The following MYH9 variants were observed in gnomAD, a reference collection of about 807,000 sequenced individuals.
MYH9 encodes the protein myosin heavy chain 9, also known as myosin-9.
MYH9 carries 29 observed loss-of-function variants against 241.9 expected under a neutral mutation model. That is an observed-to-expected ratio of 0.12 (90% confidence interval 0.09 to 0.16). MYH9 has a LOEUF of 0.16. Among genes scored for constraint, MYH9 ranks in the 10% least tolerant of loss-of-function variants. The probability of loss-of-function intolerance (pLI) is 1.00; values close to 1 mark genes in which losing one functional copy is unlikely to be tolerated. For synonymous variants in MYH9, 1,047 were observed against 1,062.6 expected (o/e 0.99, Z 0.29); for missense variants, 1,803 against 2,595.5 (o/e 0.69, Z 6.63).
At chr22:36,382,245 C>T (rs1432091492) in intron 1 of MYH9, among the ~76,000 whole-genome samples, 2 of 152,154 alleles carry the variant, frequency 1.3e-5, no homozygotes, top group Non-Finnish European at 2.9e-5. Context: ...GAGGCCAAGG[C>T]GGGCGGATCA....
At chr22:36,290,697 G>A (rs1235221957) in intron 31 of MYH9, among the ~76,000 whole-genome samples, 1 of 149,998 alleles carries the variant, frequency 6.7e-6, no homozygotes, top group Non-Finnish European at 1.5e-5. Context: ...CATCTAGGAG[G>A]TGAGGAGCGC....
In MYH9 at chr22:36,322,665, G is replaced by A; in HGVS notation, c.613-144C>T. 4 of 781,418 alleles carry A rather than the reference G, an allele frequency of 5.1e-6. No homozygotes were observed. The Admixed American group carries it at 8.2e-5, about 16-fold the overall frequency. The allele number at this position is 781,418 out of a possible 1,614,324, so 48.4% of individuals were successfully genotyped here. A position where few individuals can be genotyped will look rare whatever the true frequency, so the allele number is the denominator to read the frequency against. ...GAGGTTTCCGGGTGGGCTCCAGTGT[G>A]CGACTCCAACCAAGGCCAGGCCCCG... On this transcript the variant is annotated intron_variant, in intron 5 of 40. Transcript: ENST00000216181.
Position 36,322,173 on chromosome 22 carries a change from C to T in MYH9, c.705+256G>A, listed in dbSNP as rs186134535. ...GCTGAGCACTCTGGGGCACAGCAGG[C>T]AGCGCCCTCACTGGCCTTTCCACCT... On this transcript the variant is annotated intron_variant, in intron 6 of 40. Transcript: ENST00000216181. Among the ~76,000 whole-genome samples, 71 of 152,388 alleles carry T rather than the reference C, an allele frequency of 4.7e-4. 1 individual carries two copies. In the East Asian group the frequency reaches 0.011, roughly 23 times the overall value.
Position 36,300,507 on chromosome 22 carries a change from G to T in MYH9, c.2839-243C>A, listed in dbSNP as rs2016859739. On this transcript the variant is annotated intron_variant, in intron 22 of 40. Coordinates refer to ENST00000216181, the MANE Select transcript of MYH9 (RefSeq NM_002473.6). This position sits in a 1 kb window ranked among gnomAD's most constrained non-coding sequence, Gnocchi z 5.0. ...TGGGACACAGGGCCAGAACATCGGT[G>T]CAATGTTCTGAAGGGTTTCCTGCAG... is the stretch of plus-strand genomic sequence containing the variant. Among the ~76,000 whole-genome samples the T allele has an allele frequency of 6.6e-6, 1 of 152,256 alleles. No homozygotes were observed. The highest frequency in any genetic ancestry group is 1.5e-5 in the Non-Finnish European group (1 of 68,052).
At chr22:36,344,403 T>C (rs2017641542) in intron 2 of MYH9, among the ~76,000 whole-genome samples, 1 of 152,056 alleles carries the variant, frequency 6.6e-6, no homozygotes, top group Non-Finnish European at 1.5e-5. Context: ...CCTGAGGTCA[T>C]GATTTGGAAG....
In MYH9 at chr22:36,293,345, G is replaced by C. The variant is rs373384951; in HGVS notation, c.4079C>G (p.Ala1360Gly). ...EAKHNLEKQI[A>G]TLHAQVADMK... ...CCTCCAAACCTGGGCATGGAGGGTG[G>C]CGATCTGCTTCTCCAGGTTGTGCTT... The change falls in exon 30 of 41, where the codon GCC becomes GGC. Residue 1360 changes from alanine to glycine, a missense_variant. Around this residue, in one of 11 missense-constraint regions of MYH9, gnomAD observed 876 missense variants for 1,077.8 expected, o/e 0.81. Transcript: ENST00000216181. The surrounding 1 kb of genome is among the most constrained non-coding windows in gnomAD (Gnocchi z 5.1). 5.0e-6 allele frequency: 8 copies of C among 1,613,912 alleles called. No individual in the cohort carries two copies. In the African/African-American group the frequency reaches 1.1e-4, roughly 22 times the overall value.
intron 10 of MYH9, 103 bp from the exon 11 acceptor site, chr22:36,318,428 G>C: frequency 1.0e-6 from 1 of 976,624 alleles, no homozygotes; most frequent in Non-Finnish European, 1.7e-6. Context: ...TGCTTGACTT[G>C]GGAGCAGAGA....
rs886057476 is a variant in MYH9, at chr22:36,282,561, T to C, written c.*107A>G. The C allele has an allele frequency of 1.2e-5, 12 of 1,037,816 alleles. No individual in the cohort carries two copies. The South Asian group carries it at 1.4e-4, about 12-fold the overall frequency. 64.3% of individuals were successfully genotyped at this position (1,037,816 alleles called of 1,614,324 possible). On this transcript the variant is annotated 3_prime_UTR_variant, in exon 41 of 41. Coordinates refer to ENST00000216181, the MANE Select transcript of MYH9 (RefSeq NM_002473.6). ...ACGGGGCGGAGGGCAGGAGGAGGCA[T>C]GTTCACAGCAGTCCCAAGAAGGTGG...
At position 36,304,138 on chromosome 22, in the gene MYH9, G is replaced by A. The variant is rs749206328; in HGVS notation, c.2247C>T (p.Leu749=). Residue 749 remains leucine (L), a synonymous_variant, in exon 19 of 41, where the codon CTC becomes CTT. Coordinates refer to ENST00000216181, the MANE Select transcript of MYH9 (RefSeq NM_002473.6). ...GGCCAATGCGGTACAGATTGCTGTC[G>A]AGCTCCAGGGCTTTTATCTAGGTGG... ...ACVLMIKALE[L]DSNLYRIGQS... is the part of the protein sequence containing the mutation. 55 of 1,613,408 alleles carry A rather than the reference G, an allele frequency of 3.4e-5. No individual in the cohort carries two copies. The highest frequency in any genetic ancestry group is 4.2e-5 in the Non-Finnish European group (49 of 1,180,032).
Position 36,285,231 on chromosome 22 carries a change from C to T in MYH9, c.5373G>A (p.Lys1791=), listed in dbSNP as rs2016559630. 1.2e-6 allele frequency: 2 copies of T among 1,614,086 alleles called. No individual in the cohort carries two copies. The highest frequency in any genetic ancestry group is 1.3e-5 in the African/African-American group (1 of 74,930). The change falls in exon 38 of 41, where the codon AAG becomes AAA. Residue 1791 remains lysine (K), a synonymous_variant. Coordinates refer to ENST00000216181, the MANE Select transcript of MYH9 (RefSeq NM_002473.6). The surrounding 1 kb of genome is among the most constrained non-coding windows in gnomAD (Gnocchi z 7.0). ...TGCCCTCCATCTCCTGCAGCTTGAC[C>T]TTAAGCTCCTTGTTCTGGCGTTCCA... ...QQLERQNKEL[K]VKLQEMEGTV...
In MYH9 at chr22:36,292,249, G is replaced by C. The variant is rs545973267; in HGVS notation, c.4096-15C>G. ...ATGTCGGCCACCTGGGCAGGAGCAA[G>C]GAGTAAGCAGATGCCCGAGATGGCA... On this transcript the variant is annotated splice_polypyrimidine_tract_variant and intron_variant, in intron 30 of 40. Transcript: ENST00000216181. 6 of 1,613,544 alleles carry C rather than the reference G, an allele frequency of 3.7e-6. No homozygotes were observed. In the South Asian group the frequency reaches 6.6e-5, roughly 18 times the overall value.
Position 36,306,749 on chromosome 22 carries a change from C to A in MYH9, c.1844-142G>T, listed in dbSNP as rs768226803. On this transcript the variant is annotated intron_variant, in intron 15 of 40. Transcript: ENST00000216181. The surrounding 1 kb of genome is among the most constrained non-coding windows in gnomAD (Gnocchi z 4.1). ...ACAACAGGACCCTTTCCAATTGGAG[C>A]CTACACTGGGTGCTAAGGTCATCCC... The A allele has an allele frequency of 2.4e-4, 215 of 894,386 alleles. No individual in the cohort carries two copies. The highest frequency in any genetic ancestry group is 3.5e-4 in the Non-Finnish European group (195 of 564,770). The allele number at this position is 894,386 out of a possible 1,614,324, so 55.4% of individuals were successfully genotyped here. A position where few individuals can be genotyped will look rare whatever the true frequency, so the allele number is the denominator to read the frequency against.
At chr22:36,349,590 C>T (rs1417212561) in intron 1 of MYH9, among the ~76,000 whole-genome samples, 1 of 152,040 alleles carries the variant, frequency 6.6e-6, no homozygotes, top group Non-Finnish European at 1.5e-5. Context: ...ATTAACCAGG[C>T]GTGGTGGTGC....
chr22:36,313,892 A>G (rs1011180439), intron 13 of MYH9, among the ~76,000 whole-genome samples: 4 of 152,186 alleles, frequency 2.6e-5, no homozygotes, highest in African/African-American at 7.2e-5. Context: ...CCCCCGCCAC[A>G]TATGCACCTG....
Position 36,325,240 on chromosome 22 carries a change from C to T in MYH9, c.612+1328G>A. 2 of 645,032 alleles carry T rather than the reference C, an allele frequency of 3.1e-6. 1 individual carries two copies. The highest frequency in any genetic ancestry group is 3.5e-5 in the South Asian group (2 of 57,040). 40.0% of individuals were successfully genotyped at this position (645,032 alleles called of 1,614,324 possible). Reference sequence around the variant, plus strand: ...AGTTTCTAAATATAACTCCTGACGCCCCATGGAAAAAGATTCCAAACGTCT... The same window carrying T: ...AGTTTCTAAATATAACTCCTGACGCTCCATGGAAAAAGATTCCAAACGTCT... On this transcript the variant is annotated intron_variant, in intron 5 of 40. Transcript: ENST00000216181.
rs1345299849 is a variant in MYH9 at position 36,300,205 on chromosome 22, C to T, written c.2898G>A (p.Lys966=). The change falls in exon 23 of 41, where the codon AAG becomes AAA. Residue 966 remains lysine (K), a synonymous_variant. Transcript: ENST00000216181. This position sits in a 1 kb window ranked among gnomAD's most constrained non-coding sequence, Gnocchi z 5.0. ...ESARQKLQLE[K]VTTEAKLKKL... ...TTTTCAGCTTCGCCTCGGTGGTCAC[C>T]TTCTCCAGCTGCAGCTTCTGCCGGG... 1 of 1,613,502 alleles carries T rather than the reference C, an allele frequency of 6.2e-7. No homozygotes were observed. The highest frequency in any genetic ancestry group is 1.1e-5 in the South Asian group (1 of 91,080).
intron 19 of MYH9, among the ~76,000 whole-genome samples, chr22:36,303,164 C>A (rs1382908412): frequency 6.6e-6 from 1 of 150,914 alleles, no homozygotes; most frequent in Non-Finnish European, 1.5e-5. Flanking sequence ...AAGCCTCCAT[C>A]TGTGCAAATG....
At position 36,329,645 on chromosome 22, in the gene MYH9, C is replaced by T. The variant is rs2017391695; in HGVS notation, c.491-2157G>A. Among the ~76,000 whole-genome samples, 2 of 152,290 alleles carry T rather than the reference C, an allele frequency of 1.3e-5. No homozygotes were observed. Among genetic ancestry groups the T allele is most frequent in the South Asian group, 2.1e-4 (1 of 4,826 alleles). On this transcript the variant is annotated intron_variant, in intron 3 of 40. Coordinates refer to ENST00000216181, the MANE Select transcript of MYH9 (RefSeq NM_002473.6). This position sits in a 1 kb window ranked among gnomAD's most constrained non-coding sequence, Gnocchi z 4.1. ...CATTCCCCAACCCTTCCAGAGGAAC[C>T]GTTTTCCCAGGGCTGTCCCTAGGAT...
At chr22:36,369,415 T>C (rs1214289391) in intron 1 of MYH9, among the ~76,000 whole-genome samples, 1 of 152,090 alleles carries the variant, frequency 6.6e-6, no homozygotes, top group Non-Finnish European at 1.5e-5. Flanking sequence ...CAGGAAACAG[T>C]GGGCGGCAGG....
Sources: allele counts gnomAD v4.1 joint callset (sites outside exome capture counted in the v4.1 genomes callset), GRCh38; gene constraint gnomAD v4.1.1; regional missense constraint gnomAD v4.1.1; non-coding constraint Gnocchi (gnomAD v3.1); transcripts MANE v1.5; gene names NCBI Gene and HGNC (gene_info 2026-07-23, HGNC 2026-07-21).